The following EGFR variants were observed in gnomAD, a reference collection of about 807,000 sequenced individuals.
EGFR encodes avian erythroblastic leukemia viral (v-erb-b) oncogene homolog.
Under a neutral mutation model 143.0 loss-of-function variants are expected in EGFR, and 58 were observed. The ratio of observed to expected loss-of-function variants is 0.41; its 90% CI spans 0.33 to 0.50. EGFR has a LOEUF of 0.50. EGFR is among the 20% of genes least tolerant of loss of function. The pLI is 0.39. For missense variants in EGFR, 1,307 were observed against 1,579.0 expected, an observed-to-expected ratio of 0.83 and a Z score of 2.92; for synonymous variants, 613 against 594.4, an observed-to-expected ratio of 1.03 and a Z score of -0.45.
intron 1 of EGFR, among the ~76,000 whole-genome samples, chr7:55,021,481 C>T (rs1171251424): frequency 1.3e-5 from 2 of 152,218 alleles, no homozygotes; most frequent in Non-Finnish European, 2.9e-5. Context: ...ATAAATACCA[C>T]TTAATTTGCC....
intron 22 of EGFR, among the ~76,000 whole-genome samples, chr7:55,196,177 G>GTTTTTTTTTTTTTTTTTTTT (rs1456606416): frequency 7.2e-5 from 1 of 13,976 alleles, no homozygotes; most frequent in African/African-American, 4.1e-4. Flanking sequence ...CATGTGTTGG[G>GTTTTTTTTTTTTTTTTTTTT]ATTTTTTTTT....
intron 1 of EGFR, among the ~76,000 whole-genome samples, chr7:55,081,922 C>A (rs896585966): frequency 3.3e-5 from 5 of 152,196 alleles, no homozygotes; most frequent in African/African-American, 1.2e-4. Flanking sequence ...AATATCATGG[C>A]ACACATACAG....
chr7:55,199,238 G>A (rs1039951511), intron 23 of EGFR, among the ~76,000 whole-genome samples: 2 of 152,198 alleles, frequency 1.3e-5, no homozygotes, highest in Admixed American at 1.3e-4. Context: ...AACAACATAA[G>A]GCTAATAGAG....
intron 1 of EGFR, among the ~76,000 whole-genome samples, chr7:55,099,181 G>A (rs1384550291): frequency 1.3e-5 from 2 of 152,192 alleles, no homozygotes; most frequent in African/African-American, 2.4e-5. Flanking sequence ...TTCAGTCTCT[G>A]GAATTAACGG....
At chr7:55,054,056 G>A (rs1039241153) in intron 1 of EGFR, among the ~76,000 whole-genome samples, 15 of 150,922 alleles carry the variant, frequency 9.9e-5, no homozygotes, top group African/African-American at 2.7e-4. Context: ...ATGGCTGAGC[G>A]TGGTAGATGC....
chr7:55,183,377 A>G (rs938889765), intron 20 of EGFR, among the ~76,000 whole-genome samples: 2 of 152,246 alleles, frequency 1.3e-5, no homozygotes, highest in African/African-American at 4.8e-5. Context: ...ATATATATTA[A>G]AAAAGATCCC....
intron 1 of EGFR, among the ~76,000 whole-genome samples, chr7:55,039,425 G>T (rs1294205835): frequency 2.6e-5 from 4 of 152,182 alleles, no homozygotes; most frequent in Admixed American, 2.0e-4. Flanking sequence ...ACACCCAGTG[G>T]GAAGACCAGG....
chr7:55,139,772 A>G (rs1393052766), intron 1 of EGFR, among the ~76,000 whole-genome samples: 2 of 152,202 alleles, frequency 1.3e-5, no homozygotes, highest in Non-Finnish European at 2.9e-5. Flanking sequence ...TACGTTTCCC[A>G]AAGTGGAATC....
Position 55,163,780 on chromosome 7 carries a change from C to A in EGFR, c.1679C>A (p.Pro560Gln), listed in dbSNP as rs2128944710. 1 of 1,614,214 alleles carries A rather than the reference C, an allele frequency of 6.2e-7. No individual in the cohort carries two copies. The highest frequency in any genetic ancestry group is 8.5e-7 in the Non-Finnish European group (1 of 1,180,038). The change falls in exon 14 of 28, where the codon CCA (proline) becomes CAA (glutamine). Residue 560 changes from proline to glutamine, a missense_variant. Transcript: ENST00000275493. ...VENSECIQCH[P>Q]ECLPQAMNIT... ...AACTCTGAGTGCATACAGTGCCACC[C>A]AGAGTGCCTGCCTCAGGCCATGAAC...
intron 1 of EGFR, among the ~76,000 whole-genome samples, chr7:55,107,071 ATG>A (rs528806908): frequency 1.3e-5 from 2 of 152,290 alleles, no homozygotes; most frequent in South Asian, 4.2e-4. Flanking sequence ...GTGTGTGTGT[ATG>A]TGTGTGTATA....
At chr7:55,116,444 G>A (rs559055492) in intron 1 of EGFR, among the ~76,000 whole-genome samples, 18 of 152,284 alleles carry the variant, frequency 1.2e-4, no homozygotes, top group Middle Eastern at 3.4e-3. Flanking sequence ...CTGGGAATTC[G>A]ATGCTGCCCA....
chr7:55,185,429 A>T (rs1319107753), intron 20 of EGFR, among the ~76,000 whole-genome samples: 1 of 152,216 alleles, frequency 6.6e-6, no homozygotes, highest in African/African-American at 2.4e-5. Context: ...GCCAGCTAGT[A>T]AATCCCAGAA....
At chr7:55,113,072 A>G (rs1304681720) in intron 1 of EGFR, among the ~76,000 whole-genome samples, 1 of 152,228 alleles carries the variant, frequency 6.6e-6, no homozygotes, top group Non-Finnish European at 1.5e-5. Flanking sequence ...CAGACGCTGG[A>G]TGACAGGCAC....
intron 14 of EGFR, among the ~76,000 whole-genome samples, chr7:55,164,082 C>A (rs145381085): frequency 6.6e-6 from 1 of 152,222 alleles, no homozygotes; most frequent in Non-Finnish European, 1.5e-5. Context: ...TCACATTTAA[C>A]GGAGGCTGTT....
Position 55,206,734 on chromosome 7 carries a change from A to G in EGFR, c.*1117A>G, listed in dbSNP as rs998391866. 4.3e-6 allele frequency: 1 copy of G among 233,124 alleles called. No homozygotes were observed. The highest frequency in any genetic ancestry group is 5.6e-5 in the Admixed American group (1 of 17,790). 14.4% of individuals were successfully genotyped at this position (233,124 alleles called of 1,614,324 possible). ...ACTTCACTTCAAAAGCTTTTTACTC[A>G]AAGAGTATATGTTCCCTCCAGGTCA... On this transcript the variant is annotated 3_prime_UTR_variant, in exon 28 of 28. Coordinates refer to ENST00000275493, the MANE Select transcript of EGFR (RefSeq NM_005228.5).
chr7:55,112,439 A>T (rs974385641), intron 1 of EGFR, among the ~76,000 whole-genome samples: 1 of 152,196 alleles, frequency 6.6e-6, no homozygotes, highest in African/African-American at 2.4e-5. Context: ...AAACAAACAG[A>T]TGATTAGCTG....
intron 1 of EGFR, among the ~76,000 whole-genome samples, chr7:55,074,995 A>G (rs573087594): frequency 6.6e-6 from 1 of 152,336 alleles, no homozygotes; most frequent in South Asian, 2.1e-4. Flanking sequence ...AGCAACTAAA[A>G]TAACTCACAA....
intron 22 of EGFR, among the ~76,000 whole-genome samples, chr7:55,196,117 A>G (rs1787601406): frequency 1.3e-5 from 2 of 148,714 alleles, no homozygotes; most frequent in South Asian, 2.1e-4. Flanking sequence ...ACTAATTTAC[A>G]TTCCCACCAA....
intron 20 of EGFR, among the ~76,000 whole-genome samples, chr7:55,186,112 C>G (rs1415653566): frequency 1.3e-5 from 2 of 152,182 alleles, no homozygotes; most frequent in African/African-American, 4.8e-5. Flanking sequence ...AGGCCTATTC[C>G]TAGGTGCCAG....
Sources: allele counts gnomAD v4.1 joint callset (sites outside exome capture counted in the v4.1 genomes callset), GRCh38; gene constraint gnomAD v4.1.1; transcripts MANE v1.5; gene names NCBI Gene and HGNC (gene_info 2026-07-23, HGNC 2026-07-21).